RASEF: variants seen among roughly 807,000 people sequenced by gnomAD.
The protein encoded by RASEF is ras and EF-hand domain-containing protein.
RASEF carries 68 observed loss-of-function variants against 90.1 expected under a neutral mutation model. That is an observed-to-expected ratio of 0.75 (90% confidence interval 0.62 to 0.92). RASEF has a LOEUF of 0.92. Ranked by LOEUF, RASEF falls within the 40% of genes least tolerant of loss-of-function variation. The probability of loss-of-function intolerance (pLI) is 0.00; values close to 1 mark genes in which losing one functional copy is unlikely to be tolerated. For missense variants in RASEF, 949 were observed against 937.2 expected, an observed-to-expected ratio of 1.01 and a Z score of -0.16; for synonymous variants, 331 against 345.2, an observed-to-expected ratio of 0.96 and a Z score of 0.46.
the RASEF span, among the ~76,000 whole-genome samples, chr9:83,122,654 G>A: frequency 6.6e-6 from 1 of 152,132 alleles, no homozygotes; most frequent in Non-Finnish European, 1.5e-5. Flanking sequence ...TATTTATAAA[G>A]AGCTTTTAAT....
the RASEF span, among the ~76,000 whole-genome samples, chr9:83,172,939 T>C: frequency 1.3e-5 from 2 of 151,992 alleles, no homozygotes; most frequent in Non-Finnish European, 2.9e-5. Context: ...TCTTGTAAGA[T>C]AAATTCCCTT....
At chr9:82,984,141 A>G (rs1338499795) in intron 16 of RASEF, among the ~76,000 whole-genome samples, 1 of 152,230 alleles carries the variant, frequency 6.6e-6, no homozygotes, top group Non-Finnish European at 1.5e-5. Flanking sequence ...TGTCAGTTTG[A>G]ATTATTTAGT....
intron 7 of RASEF, among the ~76,000 whole-genome samples, 197 bp from the exon 8 acceptor site, chr9:83,005,697 C>A (rs1829116818): frequency 1.3e-5 from 2 of 152,196 alleles, no homozygotes. Flanking sequence ...ATTGATTACT[C>A]CTCTCTCTTT....
At chr9:83,067,352 A>AC (rs1830289724), upstream of RASEF, among the ~76,000 whole-genome samples, 1 of 152,228 alleles carries the variant, frequency 6.6e-6, no homozygotes, top group Non-Finnish European at 1.5e-5. Context: ...AGCTACAGGA[A>AC]AAAGGTAGAT....
At chr9:83,124,318 G>T in the RASEF span, among the ~76,000 whole-genome samples, 1 of 152,200 alleles carries the variant, frequency 6.6e-6, no homozygotes, top group Non-Finnish European at 1.5e-5. Context: ...ACACCCAGAA[G>T]TAGAAATGCT....
At chr9:83,055,679 C>T (rs1417911087) in intron 1 of RASEF, 2 of 717,636 alleles carry the variant, frequency 2.8e-6, no homozygotes, top group Non-Finnish European at 5.2e-6. Flanking sequence ...ATTGTGTAGC[C>T]AAATCTGTAA....
intron 9 of RASEF, among the ~76,000 whole-genome samples, chr9:83,003,273 T>A (rs528727322): frequency 1.4e-4 from 21 of 152,256 alleles, no homozygotes; most frequent in African/African-American, 5.1e-4. Context: ...TGGCCTCTCA[T>A]TACAGCTCAA....
At chr9:83,101,877 A>G in the RASEF span, among the ~76,000 whole-genome samples, 2 of 152,116 alleles carry the variant, frequency 1.3e-5, no homozygotes, top group African/African-American at 4.8e-5. Flanking sequence ...ATTCACTACC[A>G]CTGAACTCAT....
intron 2 of RASEF, among the ~76,000 whole-genome samples, chr9:83,025,096 T>C (rs1381182240): frequency 6.6e-6 from 1 of 151,100 alleles, no homozygotes; most frequent in African/African-American, 2.5e-5. Context: ...CACATATAAA[T>C]TGTTTTTTTT....
intron 3 of RASEF, among the ~76,000 whole-genome samples, chr9:83,019,931 G>A (rs1829412362): frequency 6.6e-6 from 1 of 152,162 alleles, no homozygotes; most frequent in African/African-American, 2.4e-5. Context: ...AAGAAAGGAG[G>A]AAGGAAGGCT....
the RASEF span, among the ~76,000 whole-genome samples, chr9:83,123,948 T>C: frequency 6.9e-6 from 1 of 145,650 alleles, no homozygotes; most frequent in African/African-American, 2.6e-5. Context: ...TCTGTACCCA[T>C]GAAACACTAA....
chr9:83,202,243 T>C, the RASEF span, among the ~76,000 whole-genome samples: 3 of 152,170 alleles, frequency 2.0e-5, no homozygotes, highest in Admixed American at 1.3e-4. Flanking sequence ...AATTTCTATA[T>C]CTATGCAGCT....
chr9:83,062,903 C>A lies in RASEF; in HGVS notation c.-36G>T, dbSNP rs1438017410. On this transcript the variant is annotated 5_prime_UTR_variant, in exon 1 of 17. Transcript: ENST00000376447. ...GGGGGCGGCCGAGAGGGCTCCGGAGCGCCGCGGGGCGCAGGGCCCTCCCTG... is the reference window on the plus strand; with the variant it reads ...GGGGGCGGCCGAGAGGGCTCCGGAGAGCCGCGGGGCGCAGGGCCCTCCCTG... 1.4e-6 allele frequency: 2 copies of A among 1,404,696 alleles called. No individual in the cohort carries two copies. Among genetic ancestry groups the A allele is most frequent in the Non-Finnish European group, 1.8e-6 (2 of 1,091,968 alleles). 87.0% of individuals were successfully genotyped at this position (1,404,696 alleles called of 1,614,324 possible). A position where few individuals can be genotyped will look rare whatever the true frequency, so the allele number is the denominator to read the frequency against.
chr9:83,003,938 AG>A (rs1222766462), intron 9 of RASEF, among the ~76,000 whole-genome samples: 2 of 152,208 alleles, frequency 1.3e-5, no homozygotes, highest in Non-Finnish European at 2.9e-5. Context: ...CTAGGTCTCA[AG>A]TAATAAAAGG....
the RASEF span, among the ~76,000 whole-genome samples, chr9:83,187,929 T>C: frequency 7.9e-5 from 12 of 152,224 alleles, no homozygotes; most frequent in Admixed American, 7.2e-4. Flanking sequence ...CATCATTAAC[T>C]TCTCCAAGGC....
the RASEF span, among the ~76,000 whole-genome samples, chr9:83,072,783 T>C: frequency 6.6e-6 from 1 of 152,174 alleles, no homozygotes; most frequent in African/African-American, 2.4e-5. Flanking sequence ...CCCACCCAGA[T>C]TGAGGGTGGG....
At chr9:83,149,073 G>T in the RASEF span, among the ~76,000 whole-genome samples, 3 of 152,306 alleles carry the variant, frequency 2.0e-5, no homozygotes, top group African/African-American at 7.2e-5. Context: ...CGGTGATAGG[G>T]ATCTGCCACC....
chr9:83,073,314 C>A, the RASEF span, among the ~76,000 whole-genome samples: 1 of 152,158 alleles, frequency 6.6e-6, no homozygotes, highest in South Asian at 2.1e-4. Flanking sequence ...ACACAGAATA[C>A]CTTTAAGGTT....
chr9:83,009,854 C>T (rs1829208477), intron 5 of RASEF, 98 bp from the exon 6 acceptor site: 1 of 665,100 alleles, frequency 1.5e-6, no homozygotes, highest in Admixed American at 2.3e-5. Context: ...ACCACTCTCA[C>T]CCTTCCACAA....
Sources: allele counts gnomAD v4.1 joint callset (sites outside exome capture counted in the v4.1 genomes callset), GRCh38; gene constraint gnomAD v4.1.1; transcripts MANE v1.5; gene names NCBI Gene and HGNC (gene_info 2026-07-23, HGNC 2026-07-21).